ACAA2: variants seen among roughly 807,000 people sequenced by gnomAD.
ACAA2 encodes the protein 3-ketoacyl-CoA thiolase, mitochondrial.
A neutral mutation model predicts 44.8 loss-of-function variants in ACAA2; 35 were observed. The ratio of observed to expected loss-of-function variants is 0.78; its 90% CI spans 0.60 to 1.04. The LOEUF (loss-of-function observed/expected upper bound fraction) is 1.04, where lower values mean the gene tolerates loss of function less well. ACAA2 is among the 50% of genes least tolerant of loss of function. The pLI, the probability that ACAA2 is intolerant of heterozygous loss-of-function variation, is 0.00. For synonymous variants in ACAA2, 142 were observed against 166.5 expected, an observed-to-expected ratio of 0.85 and a Z score of 1.13; for missense variants, 468 against 482.6, an observed-to-expected ratio of 0.97 and a Z score of 0.28.
At chr18:49,792,400 A>G (rs2023414155) in intron 5 of ACAA2, 73 bp from the exon 6 acceptor site, 2 of 1,303,986 alleles carry the variant, frequency 1.5e-6, no homozygotes, top group Non-Finnish European at 2.1e-6. Context: ...ATATTATTCA[A>G]TTTAATTTCT....
intron 1 of ACAA2, among the ~76,000 whole-genome samples, chr18:49,812,396 T>A (rs2023680643): frequency 1.3e-5 from 2 of 152,112 alleles, no homozygotes; most frequent in African/African-American, 4.8e-5. Flanking sequence ...AGTGGCATCA[T>A]CATGAACACG....
intron 1 of ACAA2, among the ~76,000 whole-genome samples, chr18:49,803,650 C>T (rs1020959339): frequency 1.3e-5 from 2 of 152,166 alleles, no homozygotes; most frequent in African/African-American, 2.4e-5. Context: ...CTTCACAATG[C>T]TAGAAACATA....
At chr18:49,810,185 T>TA (rs1479688158) in intron 1 of ACAA2, among the ~76,000 whole-genome samples, 1 of 152,140 alleles carries the variant, frequency 6.6e-6, no homozygotes, top group African/African-American at 2.4e-5. Flanking sequence ...CCAAATTTGA[T>TA]AAAAAACATA....
At chr18:49,812,167 G>C (rs1401872318) in intron 1 of ACAA2, among the ~76,000 whole-genome samples, 54 of 152,200 alleles carry the variant, frequency 3.5e-4, no homozygotes. Context: ...CACGTTGCAG[G>C]AAACTGTAAA....
chr18:49,790,389 T>G (rs1417148981), intron 7 of ACAA2, among the ~76,000 whole-genome samples: 1 of 152,212 alleles, frequency 6.6e-6, no homozygotes, highest in Non-Finnish European at 1.5e-5. Flanking sequence ...TAAGTGGTAT[T>G]GTTTGAGTAG....
chr18:49,807,420 A>G (rs1277275375), intron 1 of ACAA2, among the ~76,000 whole-genome samples: 1 of 152,176 alleles, frequency 6.6e-6, no homozygotes, highest in East Asian at 1.9e-4. Context: ...TATAAAATGC[A>G]AAACTCTTAG....
At chr18:49,805,041 G>C (rs1296399230) in intron 1 of ACAA2, among the ~76,000 whole-genome samples, 5 of 152,206 alleles carry the variant, frequency 3.3e-5, no homozygotes, top group African/African-American at 4.8e-5. Flanking sequence ...CTAACATAGA[G>C]GGGACACTTA....
At chr18:49,787,695 T>G (rs1191282442) in intron 7 of ACAA2, among the ~76,000 whole-genome samples, 2 of 152,180 alleles carry the variant, frequency 1.3e-5, no homozygotes, top group African/African-American at 2.4e-5. Flanking sequence ...GGTGAAAAGT[T>G]GTTTATACAT....
chr18:49,794,918 T>C (rs2023448492), intron 4 of ACAA2, among the ~76,000 whole-genome samples: 1 of 152,222 alleles, frequency 6.6e-6, no homozygotes, highest in African/African-American at 2.4e-5. Flanking sequence ...TGAAAAGATC[T>C]TGGGACAGGT....
intron 1 of ACAA2, 37 bp downstream of exon 1, chr18:49,813,432 C>A: frequency 1.6e-6 from 2 of 1,237,844 alleles, no homozygotes; most frequent in Non-Finnish European, 2.0e-6. Context: ...GGGCAGGACC[C>A]CGAGGGGCGA....
intron 6 of ACAA2, 75 bp from the exon 7 acceptor site, chr18:49,791,674 T>C: frequency 1.3e-6 from 2 of 1,484,862 alleles, no homozygotes; most frequent in Non-Finnish European, 9.3e-7. Flanking sequence ...AATGGACTAG[T>C]AGTATTAGGA....
intron 1 of ACAA2, among the ~76,000 whole-genome samples, chr18:49,804,452 C>T (rs2023590859): frequency 6.6e-6 from 1 of 152,126 alleles, no homozygotes; most frequent in African/African-American, 2.4e-5. Flanking sequence ...ACATGTGTAT[C>T]CCCCACCTCC....
At chr18:49,784,116 C>A (rs1041073872) in intron 9 of ACAA2, among the ~76,000 whole-genome samples, 185 bp from the exon 10 acceptor site, 10 of 150,936 alleles carry the variant, frequency 6.6e-5, no homozygotes, top group Middle Eastern at 3.4e-3. Context: ...AGTTTTTAAT[C>A]AAAAAAAACA....
In ACAA2 at chr18:49,782,477, CATCT is replaced by C. The variant is rs1020700759; in HGVS notation, c.*1366_*1369del. On this transcript the variant is annotated 3_prime_UTR_variant, in exon 10 of 10. Transcript: ENST00000285093. ...TTATTTAACATCTAGTATTATTTAACATCTATTATTCAGTGAGCCATGACTGTGC... is the reference window on the plus strand; with the variant it reads ...TTATTTAACATCTAGTATTATTTAACATTATTCAGTGAGCCATGACTGTGC... 2 of 149,246 alleles carry C rather than the reference CATCT, an allele frequency of 1.3e-5. No individual in the cohort carries two copies. The highest frequency in any genetic ancestry group is 4.9e-5 in the African/African-American group (2 of 40,444). 9.2% of individuals were successfully genotyped at this position (149,246 alleles called of 1,614,324 possible).
chr18:49,796,043 G>A (rs1259903530), intron 3 of ACAA2, among the ~76,000 whole-genome samples, 162 bp from the exon 4 acceptor site: 21 of 152,164 alleles, frequency 1.4e-4, no homozygotes, highest in Non-Finnish European at 2.1e-4. Flanking sequence ...TAAAGCAAAT[G>A]CTAAAGTATC....
chr18:49,791,105 C>T (rs2023393156), intron 7 of ACAA2, among the ~76,000 whole-genome samples: 1 of 152,236 alleles, frequency 6.6e-6, no homozygotes, highest in African/African-American at 2.4e-5. Context: ...TTCTCTGTTT[C>T]ACCCCAGGAT....
chr18:49,791,549 A>C lies in ACAA2; in HGVS notation c.804T>G (p.Val268=). 6.2e-7 allele frequency: 1 copy of C among 1,613,310 alleles called. No homozygotes were observed. Among genetic ancestry groups the C allele is most frequent in the Non-Finnish European group, 8.5e-7 (1 of 1,179,896 alleles). ...GAVIIASEDA[V]KKHNFTPLAR... ...CCAGTGGTGTGAAGTTATGTTTCTT[A>C]ACAGCATCTTCACTAGCTATGATAA... Residue 268 remains valine, a synonymous_variant, in exon 7 of 10, where the codon GTT becomes GTG. Coordinates refer to ENST00000285093, the MANE Select transcript of ACAA2 (RefSeq NM_006111.3).
At chr18:49,799,033 T>C (rs1350592481) in intron 2 of ACAA2, among the ~76,000 whole-genome samples, 2 of 152,206 alleles carry the variant, frequency 1.3e-5, no homozygotes, top group African/African-American at 2.4e-5. Context: ...TTGGAATAAA[T>C]GAGTTTTACT....
In ACAA2 at chr18:49,783,802, G is replaced by A. The variant is rs373937573; in HGVS notation, c.*45C>T. On this transcript the variant is annotated 3_prime_UTR_variant, in exon 10 of 10. Transcript: ENST00000285093. ...AAGGTCACTTGTTTTACTGTGGCCT[G>A]GCCAAGTAGAGTAAGGATGGGTCAC... 8.4e-6 allele frequency: 13 copies of A among 1,546,166 alleles called. No individual in the cohort carries two copies. Among genetic ancestry groups the A allele is most frequent in the Non-Finnish European group, 1.2e-5 (13 of 1,121,450 alleles).
Sources: gnomAD v4.1 joint callset for allele counts (sites outside exome capture counted in the v4.1 genomes callset) on GRCh38, gnomAD v4.1.1 for gene constraint, MANE v1.5 for transcripts, NCBI Gene and HGNC (gene_info 2026-07-23, HGNC 2026-07-21) for gene names.